The following DLGAP2 variants were observed in gnomAD, a reference collection of about 807,000 sequenced individuals.
The protein encoded by DLGAP2 is disks large-associated protein 2.
In DLGAP2, 26 loss-of-function variants were observed where a neutral mutation model predicts 100.3. The observed-to-expected ratio is 0.26, with a 90% CI of 0.19 to 0.36. DLGAP2 has a LOEUF of 0.36. Ranked by LOEUF, DLGAP2 falls within the 10% of genes least tolerant of loss-of-function variation. The pLI is 1.00. For synonymous variants in DLGAP2, 886 were observed against 630.1 expected (o/e 1.41, Z -6.08); for missense variants, 1,858 against 1,453.2 (o/e 1.28, Z -4.53).
rs1447013029 is a variant in DLGAP2, at chr8:1,039,619, G to A, written c.73+131653G>A. Among the ~76,000 whole-genome samples, 101 of 64,944 alleles carry A rather than the reference G, an allele frequency of 1.6e-3. 4 individuals carry two copies. Among genetic ancestry groups the A allele is most frequent in the African/African-American group, 6.3e-3 (91 of 14,336 alleles). The allele number at this position is 64,944 out of a possible 152,430, so 42.6% of individuals were successfully genotyped here. On this transcript the variant is annotated intron_variant, in intron 2 of 14. Transcript: ENST00000637795. ...TCAGCTTGGTGTGCGTGGTCAGCTCGGTGTGCGTGGTCAGCTCGGTGTGCG... is the reference window on the plus strand; with the variant it reads ...TCAGCTTGGTGTGCGTGGTCAGCTCAGTGTGCGTGGTCAGCTCGGTGTGCG...
intron 5 of DLGAP2, among the ~76,000 whole-genome samples, chr8:1,551,193 G>A (rs1341136240): frequency 2.6e-5 from 4 of 152,242 alleles, no homozygotes; most frequent in Non-Finnish European, 4.4e-5. Flanking sequence ...AATGGAAGAG[G>A]CATAAATTTT....
chr8:1,346,237 C>A (rs966976311), intron 3 of DLGAP2, among the ~76,000 whole-genome samples: 13 of 149,514 alleles, frequency 8.7e-5, no homozygotes, highest in African/African-American at 3.2e-4. Context: ...GTTCCCCGTA[C>A]ACATCTGCAT....
At chr8:746,828 T>G (rs2132564553) in intron 1 of DLGAP2, among the ~76,000 whole-genome samples, 1 of 152,352 alleles carries the variant, frequency 6.6e-6, no homozygotes, top group African/African-American at 2.4e-5. Flanking sequence ...CTCTGTGGCC[T>G]TCACCATCCC....
intron 1 of DLGAP2, among the ~76,000 whole-genome samples, chr8:871,971 C>T (rs1007931946): frequency 7.2e-5 from 11 of 152,134 alleles, no homozygotes; most frequent in Non-Finnish European, 1.3e-4. Context: ...CTTACATACT[C>T]TACAGTTTTT....
Position 1,494,160 on chromosome 8 carries a change from G to C in DLGAP2, c.107-7206G>C, listed in dbSNP as rs9918906. Reference sequence around the variant, plus strand: ...GTCATGTCCTTCTCTTGGTGTTTATGAGGTGATAATACTATTGTTTCCTTT... The same window carrying C: ...GTCATGTCCTTCTCTTGGTGTTTATCAGGTGATAATACTATTGTTTCCTTT... On this transcript the variant is annotated intron_variant, in intron 3 of 14. Coordinates refer to ENST00000637795, the MANE Select transcript of DLGAP2 (RefSeq NM_001346810.2). Among the ~76,000 whole-genome samples the C allele has an allele frequency of 2.2e-3, 342 of 152,356 alleles. 2 individuals are homozygous for C. The highest frequency in any genetic ancestry group is 7.8e-3 in the African/African-American group (325 of 41,584).
At chr8:1,501,298 T>A (rs1219146514) in intron 3 of DLGAP2, 68 bp from the exon 4 acceptor site, 1 of 1,473,202 alleles carries the variant, frequency 6.8e-7, no homozygotes, top group African/African-American at 1.4e-5. Flanking sequence ...GTTTTGAAGA[T>A]GTGCAGGGAA....
chr8:910,326 G>C (rs753785150), intron 2 of DLGAP2: 37 of 152,210 alleles, frequency 2.4e-4, no homozygotes, highest in Non-Finnish European at 5.0e-4. Context: ...ATGGCTGCTT[G>C]TGAAAGATAA....
chr8:1,214,066 G>C (rs572813281), intron 2 of DLGAP2, among the ~76,000 whole-genome samples: 138 of 148,516 alleles, frequency 9.3e-4, no homozygotes, highest in African/African-American at 3.4e-3. Context: ...CCTCCATGTG[G>C]TTGCCAGGCT....
At chr8:905,114 C>G (rs1798349127) in intron 1 of DLGAP2, among the ~76,000 whole-genome samples, 1 of 152,134 alleles carries the variant, frequency 6.6e-6, no homozygotes, top group Non-Finnish European at 1.5e-5. Flanking sequence ...AGGAAAGTCA[C>G]ACGTGGATTC....
At chr8:774,040 C>T (rs1166050190) in intron 1 of DLGAP2, among the ~76,000 whole-genome samples, 4 of 152,208 alleles carry the variant, frequency 2.6e-5, no homozygotes, top group African/African-American at 9.6e-5. Context: ...GATTGCCATT[C>T]TAACTGGTGT....
At chr8:1,423,682 A>G (rs992304731) in intron 3 of DLGAP2, among the ~76,000 whole-genome samples, 1 of 152,212 alleles carries the variant, frequency 6.6e-6, no homozygotes. Context: ...AGAGCCTGGC[A>G]TGTGTAGCTG....
intron 4 of DLGAP2, among the ~76,000 whole-genome samples, chr8:1,529,819 T>C (rs1357999923): frequency 6.6e-6 from 1 of 152,182 alleles, no homozygotes; most frequent in African/African-American, 2.4e-5. Context: ...AGAGAAATTT[T>C]AAAGCTGGGC....
intron 4 of DLGAP2, among the ~76,000 whole-genome samples, chr8:1,528,931 G>A (rs544805571): frequency 1.3e-5 from 2 of 152,334 alleles, no homozygotes; most frequent in African/African-American, 4.8e-5. Flanking sequence ...TTAAAAATCA[G>A]TTCTTTCCTC....
intron 2 of DLGAP2, among the ~76,000 whole-genome samples, chr8:1,070,282 C>T (rs531665607): frequency 1.3e-5 from 2 of 152,106 alleles, no homozygotes; most frequent in Non-Finnish European, 2.9e-5. Flanking sequence ...AGGGCAGCTG[C>T]GAGAAGCCAC....
chr8:1,446,968 C>T (rs1042027114), intron 3 of DLGAP2, among the ~76,000 whole-genome samples: 114 of 152,262 alleles, frequency 7.5e-4, no homozygotes, highest in Admixed American at 2.0e-3. Context: ...GCTGAAGTTG[C>T]TTATCAGCTT....
intron 2 of DLGAP2, among the ~76,000 whole-genome samples, chr8:968,618 G>T (rs1799939402): frequency 2.6e-5 from 4 of 152,226 alleles, no homozygotes; most frequent in Admixed American, 2.6e-4. Flanking sequence ...TCAGTTGGGA[G>T]GGCTGGGCAG....
At chr8:1,249,740 T>C (rs1242727853) in intron 2 of DLGAP2, among the ~76,000 whole-genome samples, 2 of 152,164 alleles carry the variant, frequency 1.3e-5, no homozygotes, top group Non-Finnish European at 2.9e-5. Flanking sequence ...AAAAATAAAC[T>C]ATTGATTATT....
At chr8:1,286,336 G>A (rs1799921045) in intron 3 of DLGAP2, among the ~76,000 whole-genome samples, 1 of 152,116 alleles carries the variant, frequency 6.6e-6, no homozygotes, top group African/African-American at 2.4e-5. Context: ...ACCCAGTTTG[G>A]GGCAGTTCTT....
intron 2 of DLGAP2, among the ~76,000 whole-genome samples, chr8:1,253,792 G>C (rs1799107462): frequency 1.3e-5 from 2 of 152,198 alleles, no homozygotes. Context: ...AGTGTATCCA[G>C]GTTAAGTCTT....
Sources: allele counts gnomAD v4.1 joint callset (sites outside exome capture counted in the v4.1 genomes callset), GRCh38; gene constraint gnomAD v4.1.1; transcripts MANE v1.5; gene names NCBI Gene and HGNC (gene_info 2026-07-23, HGNC 2026-07-21).